KLHL11: variants seen among roughly 807,000 people sequenced by gnomAD.
The protein encoded by KLHL11 is kelch like family member 11.
KLHL11 carries 26 observed loss-of-function variants against 56.1 expected under a neutral mutation model. The ratio of observed to expected loss-of-function variants is 0.46; its 90% CI spans 0.34 to 0.64. The LOEUF (loss-of-function observed/expected upper bound fraction) is 0.64. KLHL11 is among the 30% of genes least tolerant of loss of function. The pLI, the probability that KLHL11 is intolerant of heterozygous loss-of-function variation, is 0.01. For missense variants in KLHL11, 627 were observed against 919.4 expected, an observed-to-expected ratio of 0.68 and a Z score of 4.11; for synonymous variants, 338 against 345.8, an observed-to-expected ratio of 0.98 and a Z score of 0.25.
rs138002650 is a variant in KLHL11 at position 41,860,216 on chromosome 17, C to T, written c.545+4610G>A. ...TGGGCTCCTAGTTTTAGCAGGCACTCCAGGTAATTTGGAGACAAATTCCCT... is the reference window on the plus strand; with the variant it reads ...TGGGCTCCTAGTTTTAGCAGGCACTTCAGGTAATTTGGAGACAAATTCCCT... On this transcript the variant is annotated intron_variant, in intron 1 of 1. Transcript: ENST00000319121. Among the ~76,000 whole-genome samples the T allele has an allele frequency of 2.1e-3, 313 of 152,232 alleles. 2 individuals carry two copies. Among genetic ancestry groups the T allele is most frequent in the South Asian group, 0.018 (89 of 4,826 alleles).
intron 1 of KLHL11, among the ~76,000 whole-genome samples, chr17:41,857,714 G>A (rs1351985774): frequency 1.3e-5 from 2 of 152,230 alleles, no homozygotes; most frequent in East Asian, 3.9e-4. Context: ...TGCGATCACA[G>A]TGCGCTACAG....
At chr17:41,864,605 T>C (rs1274838439) in intron 1 of KLHL11, among the ~76,000 whole-genome samples, 1 of 152,280 alleles carries the variant, frequency 6.6e-6, no homozygotes, top group Non-Finnish European at 1.5e-5. Flanking sequence ...TCACCTAGTA[T>C]CTGAGCTCCT....
At chr17:41,856,702 G>T (rs2048368852) in intron 1 of KLHL11, among the ~76,000 whole-genome samples, 2 of 102,884 alleles carry the variant, frequency 1.9e-5, no homozygotes. Flanking sequence ...GGGAAACATG[G>T]CAAAACCAAG....
chr17:41,851,633 C>T lies in KLHL11; in HGVS notation c.*2107G>A, dbSNP rs962097584. Reference sequence around the variant, plus strand: ...AAAAAAAAGTTATTTTGAGGCCGGGCGTGGTGGCTCACACCTAATCCTAGC... The same window carrying T: ...AAAAAAAAGTTATTTTGAGGCCGGGTGTGGTGGCTCACACCTAATCCTAGC... On this transcript the variant is annotated 3_prime_UTR_variant, in exon 2 of 2. Transcript: ENST00000319121. 2.6e-5 allele frequency among the ~76,000 whole-genome samples: 4 copies of T among 151,288 alleles called. No individual in the cohort carries two copies. Among genetic ancestry groups the T allele is most frequent in the African/African-American group, 9.7e-5 (4 of 41,100 alleles).
chr17:41,855,736 A>G (rs1334140255), intron 1 of KLHL11, among the ~76,000 whole-genome samples: 1 of 150,638 alleles, frequency 6.6e-6, no homozygotes, highest in African/African-American at 2.4e-5. Flanking sequence ...CAGTGGCACA[A>G]TCTTGGCTCA....
At chr17:41,864,749 C>T in intron 1 of KLHL11, 77 bp downstream of exon 1, 1 of 1,381,640 alleles carries the variant, frequency 7.2e-7, no homozygotes, top group Non-Finnish European at 9.5e-7. Context: ...GTGGCAGGCA[C>T]TGCCCTCCCC....
Position 41,854,238 on chromosome 17 carries a change from A to C in KLHL11, c.1629T>G (p.Ile543Met), listed in dbSNP as rs782728442. ...ACATTTGGAAAAAGCAGTAATTGTC[A>C]ATAAGCGGCAAAGATTCCACATCTT... ...QWQDVESLPL[I>M]DNYCFFQMSV... is the part of the protein sequence containing the mutation. Residue 543 changes from isoleucine to methionine, a missense_variant, in exon 2 of 2, where the codon ATT becomes ATG. Around this residue, in one of 4 missense-constraint regions of KLHL11, gnomAD observed 250 missense variants for 360.6 expected, o/e 0.69. Coordinates refer to ENST00000319121, the MANE Select transcript of KLHL11 (RefSeq NM_018143.3). This position sits in a 1 kb window ranked among gnomAD's most constrained non-coding sequence, Gnocchi z 4.9. 8.1e-6 allele frequency: 13 copies of C among 1,614,108 alleles called. No individual in the cohort carries two copies. Among genetic ancestry groups the C allele is most frequent in the Admixed American group, 5.0e-5 (3 of 60,000 alleles).
intron 1 of KLHL11, among the ~76,000 whole-genome samples, chr17:41,858,837 G>C (rs937593346): frequency 2.6e-4 from 39 of 152,044 alleles, no homozygotes; most frequent in African/African-American, 9.2e-4. Flanking sequence ...GCCCACTTTA[G>C]TGCTGAGATT....
chr17:41,859,299 C>T (rs1257138674), intron 1 of KLHL11, among the ~76,000 whole-genome samples: 2 of 152,182 alleles, frequency 1.3e-5, no homozygotes, highest in African/African-American at 4.8e-5. Flanking sequence ...TGCAGTGGCT[C>T]AGGCCTATAA....
At position 41,854,450 on chromosome 17, in the gene KLHL11, C is replaced by T. The variant is rs782015623; in HGVS notation, c.1417G>A (p.Val473Ile). The T allele has an allele frequency of 3.7e-6, 6 of 1,614,184 alleles. No individual in the cohort carries two copies. Among genetic ancestry groups the T allele is most frequent in the Non-Finnish European group, 5.1e-6 (6 of 1,180,042 alleles). The change falls in exon 2 of 2, where the codon GTT (valine) becomes ATT (isoleucine). Residue 473 changes from valine to isoleucine, a missense_variant. By Grantham distance (29) the Val-to-Ile change is conservative. This residue lies in a region of KLHL11 where 250 missense variants were observed against 360.6 expected (regional missense o/e 0.69). Coordinates refer to ENST00000319121, the MANE Select transcript of KLHL11 (RefSeq NM_018143.3). The surrounding 1 kb of genome is among the most constrained non-coding windows in gnomAD (Gnocchi z 4.9). ...NFSPGFKDVT[V>I]YNPELDKWHN... ...CATTTATCAAGCTCAGGATTATAAA[C>T]AGTCACATCTTTAAAACCAGGACTA...
At chr17:41,863,604 G>T (rs1356758070) in intron 1 of KLHL11, among the ~76,000 whole-genome samples, 2 of 152,062 alleles carry the variant, frequency 1.3e-5, no homozygotes, top group African/African-American at 4.8e-5. Context: ...CCTTCCACAG[G>T]CCATCAAGGC....
chr17:41,848,756 T>C lies in KLHL11; in HGVS notation c.*4984A>G, dbSNP rs1555621783. The C allele has an allele frequency of 6.3e-6, 1 of 158,852 alleles. No individual in the cohort carries two copies. The allele number at this position is 158,852 out of a possible 1,614,324, so 9.8% of individuals were successfully genotyped here. A position where few individuals can be genotyped will look rare whatever the true frequency, so the allele number is the denominator to read the frequency against. On this transcript the variant is annotated 3_prime_UTR_variant, in exon 2 of 2. Transcript: ENST00000319121. ...TGCATCAACTCAAACTAAATGTTTA[T>C]TTTACAAATAACTCAACGAGCCCAA...
Position 41,865,353 on chromosome 17 carries a change from C to T in KLHL11, c.18G>A (p.Val6=). Reference sequence around the variant, plus strand: ...CCGCGGCCGCCGCCGCCGCCGCCGCCACTGCCGCAGCCGCCATCTTGACGC... The same window carrying T: ...CCGCGGCCGCCGCCGCCGCCGCCGCTACTGCCGCAGCCGCCATCTTGACGC... The part of the protein sequence containing the change: MAAAA[V]AAAAAAAAAA... Residue 6 remains valine (V), a synonymous_variant, in exon 1 of 2, where the codon GTG becomes GTA. Transcript: ENST00000319121. 6.9e-7 allele frequency: 1 copy of T among 1,447,078 alleles called. No homozygotes were observed. Among genetic ancestry groups the T allele is most frequent in the Non-Finnish European group, 9.0e-7 (1 of 1,113,592 alleles). The allele number at this position is 1,447,078 out of a possible 1,614,324, so 89.6% of individuals were successfully genotyped here.
intron 1 of KLHL11, among the ~76,000 whole-genome samples, chr17:41,858,262 C>T (rs1396906548): frequency 8.3e-5 from 12 of 144,598 alleles, no homozygotes; most frequent in Non-Finnish European, 1.7e-4. Flanking sequence ...AGATTCTCAC[C>T]GTTACCCAGG....
Position 41,865,222 on chromosome 17 carries a change from G to C in KLHL11, c.149C>G (p.Pro50Arg), listed in dbSNP as rs1447299293. The change falls in exon 1 of 2, where the codon CCT becomes CGT. Residue 50 changes from proline to arginine, a missense_variant. By Grantham distance (103) the Pro-to-Arg change is moderately radical (BLOSUM62 -2). This residue lies in a region of KLHL11 where 121 missense variants were observed against 116.2 expected (regional missense o/e 1.04). Coordinates refer to ENST00000319121, the MANE Select transcript of KLHL11 (RefSeq NM_018143.3). ...VRGSGTVDFGPGPGISAMEAS... is the reference protein window; with the variant it reads ...VRGSGTVDFGRGPGISAMEAS... Reference sequence around the variant, plus strand: ...CTCCATTGCAGAGATCCCCGGCCCAGGCCCGAAGTCCACCGTGCCGCTGCC... The same window carrying C: ...CTCCATTGCAGAGATCCCCGGCCCACGCCCGAAGTCCACCGTGCCGCTGCC... 6.2e-7 allele frequency: 1 copy of C among 1,601,680 alleles called. No homozygotes were observed. The highest frequency in any genetic ancestry group is 8.5e-7 in the Non-Finnish European group (1 of 1,176,056).
chr17:41,862,857 A>G lies in KLHL11; in HGVS notation c.545+1969T>C, dbSNP rs190034211. Reference sequence around the variant, plus strand: ...TCCCCAATCTGTATCTCTAGCTCCCATGCACTTCCCAGGGATCTCCTTAAC... The same window carrying G: ...TCCCCAATCTGTATCTCTAGCTCCCGTGCACTTCCCAGGGATCTCCTTAAC... On this transcript the variant is annotated intron_variant, in intron 1 of 1. Coordinates refer to ENST00000319121, the MANE Select transcript of KLHL11 (RefSeq NM_018143.3). Among the ~76,000 whole-genome samples the G allele has an allele frequency of 6.6e-4, 100 of 152,202 alleles. 1 individual carries two copies. Among genetic ancestry groups the G allele is most frequent in the African/African-American group, 2.4e-3 (100 of 41,532 alleles).
Position 41,864,881 on chromosome 17 carries a change from C to A in KLHL11, c.490G>T (p.Gly164Trp). Reference sequence around the variant, plus strand: ...CTGCCCGTGCTGACGCGGATGCGCCCGGTGTACATGTACTCGATTACGGCT... The same window carrying A: ...CTGCCCGTGCTGACGCGGATGCGCCAGGTGTACATGTACTCGATTACGGCT... ...VEAVIEYMYTGRIRVSTGSVH... is the reference protein window; with the variant it reads ...VEAVIEYMYTWRIRVSTGSVH... The change falls in exon 1 of 2, where the codon GGG becomes TGG. Residue 164 changes from glycine (G) to tryptophan (W), a missense_variant. By Grantham distance (184) the Gly-to-Trp change is radical. Coordinates refer to ENST00000319121, the MANE Select transcript of KLHL11 (RefSeq NM_018143.3). The A allele has an allele frequency of 6.3e-7, 1 of 1,583,210 alleles. No homozygotes were observed. Among genetic ancestry groups the A allele is most frequent in the South Asian group, 1.1e-5 (1 of 87,714 alleles).
intron 1 of KLHL11, among the ~76,000 whole-genome samples, chr17:41,861,023 A>T (rs1555623019): frequency 6.6e-6 from 1 of 152,238 alleles, no homozygotes; most frequent in Non-Finnish European, 1.5e-5. Context: ...GGATGCAAAC[A>T]GGCTTTCTCT....
Position 41,853,533 on chromosome 17 carries a change from C to A in KLHL11, c.*207G>T, listed in dbSNP as rs989094310. ...ATTTAGCTAGCACAAACAAACAAAC[C>A]AAAGACAAAAATTGCAAGCTAACAA... On this transcript the variant is annotated 3_prime_UTR_variant, in exon 2 of 2. Coordinates refer to ENST00000319121, the MANE Select transcript of KLHL11 (RefSeq NM_018143.3). The A allele has an allele frequency of 4.5e-5, 24 of 528,772 alleles. No homozygotes were observed. The East Asian group carries it at 7.7e-4, about 17-fold the overall frequency. The allele number at this position is 528,772 out of a possible 1,614,324, so 32.8% of individuals were successfully genotyped here.
Sources: gnomAD v4.1 joint callset for allele counts (sites outside exome capture counted in the v4.1 genomes callset) on GRCh38, gnomAD v4.1.1 for gene constraint, gnomAD v4.1.1 regional missense constraint, Gnocchi (gnomAD v3.1) non-coding constraint, MANE v1.5 for transcripts, NCBI Gene and HGNC (gene_info 2026-07-23, HGNC 2026-07-21) for gene names.